Variants in KRT32 observed in about 807,000 individuals in gnomAD.
KRT32 encodes keratin, type I cuticular Ha2.
Under a neutral mutation model 41.8 loss-of-function variants are expected in KRT32, and 44 were observed. The observed-to-expected ratio is 1.05, with a 90% CI of 0.83 to 1.35. The LOEUF is 1.35. Among genes scored for constraint, KRT32 ranks in the 40% most tolerant of loss-of-function variants. KRT32 has a pLI of 0.00. For synonymous variants in KRT32, 238 were observed against 242.5 expected (o/e 0.98, Z 0.17); for missense variants, 576 against 584.6 (o/e 0.99, Z 0.15).
intron 6 of KRT32, among the ~76,000 whole-genome samples, chr17:41,460,983 C>G (rs1338610638): frequency 6.6e-6 from 1 of 152,192 alleles, no homozygotes; most frequent in Non-Finnish European, 1.5e-5. Context: ...GTACTCTGAC[C>G]TTCTTCCAGC....
At chr17:41,465,620 G>A (rs73983464) in intron 3 of KRT32, among the ~76,000 whole-genome samples, 153 bp downstream of exon 3, 1,780 of 152,252 alleles carry the variant, frequency 0.012, 44 homozygotes, top group African/African-American at 0.041. Context: ...TTTTACAGAA[G>A]AGGAGGCTCA....
In KRT32 at chr17:41,466,847, G is replaced by A. The variant is rs374026110; in HGVS notation, c.468+11C>T. 2.7e-5 allele frequency: 43 copies of A among 1,591,830 alleles called. No individual in the cohort carries two copies. Among genetic ancestry groups the A allele is most frequent in the Middle Eastern group, 1.7e-4 (1 of 6,008 alleles). On this transcript the variant is annotated intron_variant, in intron 1 of 6. Coordinates refer to ENST00000225899, the MANE Select transcript of KRT32 (RefSeq NM_002278.3). The stretch of plus-strand genomic sequence containing the variant: ...TCCCAGAGAGCCTATTCACCTCACC[G>A]CTGCCCTCACCTTCTGCTGGAGCTC...
rs777617387 is a variant in KRT32, at chr17:41,464,131, G to C, written c.943C>G (p.Leu315Val). The change falls in exon 5 of 7, where the codon CTG (leucine) becomes GTG (valine). Residue 315 changes from leucine to valine, a missense_variant. Coordinates refer to ENST00000225899, the MANE Select transcript of KRT32 (RefSeq NM_002278.3). ...TCCAGCGTGTTGACCGTGCGTCTCA[G>C]GTCAATGATGTCTGACTGGTAGTTC... ...LQNYQSDIID[L>V]RRTVNTLEIE... 1.9e-6 allele frequency: 3 copies of C among 1,613,204 alleles called. No homozygotes were observed. Among genetic ancestry groups the C allele is most frequent in the African/African-American group, 1.3e-5 (1 of 75,022 alleles).
chr17:41,464,282 C>A lies in KRT32; in HGVS notation c.870G>T (p.Gln290His). Reference protein sequence around the residue: ...RRDVEEWFNMQMEELNQQVAT... With the variant: ...RRDVEEWFNMHMEELNQQVAT... ...GCCATCCCCACCGTGAGAGGCCCAC[C>A]TGCATATTGAACCATTCCTCCACGT... is the stretch of plus-strand genomic sequence containing the variant. The change falls in exon 4 of 7, where the codon CAG becomes CAT. Residue 290 changes from glutamine (Q) to histidine (H), a missense_variant and splice_region_variant. Coordinates refer to ENST00000225899, the MANE Select transcript of KRT32 (RefSeq NM_002278.3). 1 of 1,595,524 alleles carries A rather than the reference C, an allele frequency of 6.3e-7. No homozygotes were observed. Among genetic ancestry groups the A allele is most frequent in the Non-Finnish European group, 8.5e-7 (1 of 1,170,608 alleles).
rs1339841431 is a variant in KRT32 at position 41,464,328 on chromosome 17, A to G, written c.824T>C (p.Met275Thr). ...CACGTCCCTGCGGTTGGCCTCCACC[A>G]TGGCCTCGTACTGACACCGCATCTC... is the stretch of plus-strand genomic sequence containing the variant. ...LEEMRCQYEAMVEANRRDVEE... is the reference protein window; with the variant it reads ...LEEMRCQYEATVEANRRDVEE... Residue 275 changes from methionine to threonine, a missense_variant, in exon 4 of 7, where the codon ATG becomes ACG. Transcript: ENST00000225899. 1 of 1,611,136 alleles carries G rather than the reference A, an allele frequency of 6.2e-7. No individual in the cohort carries two copies. The highest frequency in any genetic ancestry group is 8.5e-7 in the Non-Finnish European group (1 of 1,178,332).
chr17:41,463,207 T>G (rs2019024916), intron 5 of KRT32, among the ~76,000 whole-genome samples, 157 bp from the exon 6 acceptor site: 1 of 152,224 alleles, frequency 6.6e-6, no homozygotes, highest in African/African-American at 2.4e-5. Flanking sequence ...GTCAAATGAC[T>G]TGTTCAAGGG....
Position 41,466,962 on chromosome 17 carries a change from C to A in KRT32, c.364G>T (p.Ala122Ser), listed in dbSNP as rs1187198349. The change falls in exon 1 of 7, where the codon GCG becomes TCG. Residue 122 changes from alanine to serine, a missense_variant. Transcript: ENST00000225899. ...TRVRQLEQENAELESRIQEAS... is the reference protein window; with the variant it reads ...TRVRQLEQENSELESRIQEAS... Reference sequence around the variant, plus strand: ...TCTTGGATCCTGCTCTCCAGCTCCGCATTCTCCTGCTCCAGCTGCCGCACC... The same window carrying A: ...TCTTGGATCCTGCTCTCCAGCTCCGAATTCTCCTGCTCCAGCTGCCGCACC... 1 of 1,614,242 alleles carries A rather than the reference C, an allele frequency of 6.2e-7. No individual in the cohort carries two copies. Among genetic ancestry groups the A allele is most frequent in the East Asian group, 2.2e-5 (1 of 44,886 alleles).
rs916527432 is a variant in KRT32 at position 41,462,821 on chromosome 17, C to T, written c.1217+9G>A. The T allele has an allele frequency of 3.1e-6, 5 of 1,612,600 alleles. No homozygotes were observed. The highest frequency in any genetic ancestry group is 1.7e-5 in the Admixed American group (1 of 60,006). On this transcript the variant is annotated intron_variant, in intron 6 of 6. Coordinates refer to ENST00000225899, the MANE Select transcript of KRT32 (RefSeq NM_002278.3). ...CACGTCTCTCTAAGCCTCAGCTGGG[C>T]CTGCGTACTTGCAGTCCTCGTTCTC...
At position 41,465,995 on chromosome 17, in the gene KRT32, C is replaced by T; in HGVS notation, c.552-66G>A. On this transcript the variant is annotated intron_variant, in intron 2 of 6. Transcript: ENST00000225899. ...TGCAGAACTCAGGGAAGGCCTTAAA[C>T]TGCCGGCACTTTCCAACCCTCCGTG... 3 of 1,601,918 alleles carry T rather than the reference C, an allele frequency of 1.9e-6. No homozygotes were observed. In the South Asian group the frequency reaches 3.3e-5, roughly 18 times the overall value.
intron 6 of KRT32, among the ~76,000 whole-genome samples, chr17:41,460,710 G>A (rs147387014): frequency 9.4e-4 from 143 of 152,252 alleles, no homozygotes; most frequent in African/African-American, 3.3e-3. Flanking sequence ...GAGGTGAGGG[G>A]AGCAGGGAGG....
At position 41,467,235 on chromosome 17, in the gene KRT32, A is replaced by C; in HGVS notation, c.91T>G (p.Cys31Gly). Residue 31 changes from cysteine (C) to glycine (G), a missense_variant, in exon 1 of 7, where the codon TGC becomes GGC. Transcript: ENST00000225899. ...PASVCSSGVNCRPELCLGYVC... is the reference protein window; with the variant it reads ...PASVCSSGVNGRPELCLGYVC... ...TAGCCCAGGCACAGCTCAGGCCGGC[A>C]GTTCACGCCGCTGGAACAGACCGAG... is the stretch of plus-strand genomic sequence containing the variant. The C allele has an allele frequency of 6.2e-7, 1 of 1,613,824 alleles. No individual in the cohort carries two copies. Among genetic ancestry groups the C allele is most frequent in the Non-Finnish European group, 8.5e-7 (1 of 1,180,028 alleles).
At position 41,467,232 on chromosome 17, in the gene KRT32, G is replaced by A. The variant is rs149170177; in HGVS notation, c.94C>T (p.Arg32Trp). ...ASVCSSGVNC[R>W]PELCLGYVCQ... ...ACATAGCCCAGGCACAGCTCAGGCC[G>A]GCAGTTCACGCCGCTGGAACAGACC... The change falls in exon 1 of 7, where the codon CGG becomes TGG. Residue 32 changes from arginine (R) to tryptophan (W), a missense_variant. Transcript: ENST00000225899. The A allele has an allele frequency of 1.6e-4, 258 of 1,613,802 alleles. No homozygotes were observed. The Middle Eastern group carries it at 2.3e-3, about 14-fold the overall frequency.
chr17:41,464,036 C>G (rs756869918), intron 5 of KRT32, 42 bp downstream of exon 5: 60 of 1,520,916 alleles, frequency 3.9e-5, no homozygotes, highest in Admixed American at 1.5e-4. Flanking sequence ...CTCAGTACCG[C>G]CTAGGATCCG....
intron 6 of KRT32, among the ~76,000 whole-genome samples, chr17:41,462,571 T>C (rs2019012468): frequency 6.6e-6 from 1 of 152,220 alleles, no homozygotes; most frequent in South Asian, 2.1e-4. Context: ...GTGTCCTCCA[T>C]AGCACCTGCC....
At chr17:41,462,782 C>A in intron 6 of KRT32, 48 bp downstream of exon 6, 1 of 1,600,854 alleles carries the variant, frequency 6.2e-7, no homozygotes, top group Non-Finnish European at 8.5e-7. Flanking sequence ...CTATAACCTC[C>A]CAGAATCCCT....
At position 41,463,013 on chromosome 17, in the gene KRT32, G is replaced by A; in HGVS notation, c.1034C>T (p.Ala345Val). 6.2e-7 allele frequency: 1 copy of A among 1,614,050 alleles called. No individual in the cohort carries two copies. ...CTGGGCCAGCTGGGAGCTGTAGCGG[G>A]CCTCACTCTCCGTCAGCGTGTTTTC... Reference protein sequence around the residue: ...SLENTLTESEARYSSQLAQMQ... With the variant: ...SLENTLTESEVRYSSQLAQMQ... Residue 345 changes from alanine (A) to valine (V), a missense_variant, in exon 6 of 7, where the codon GCC (alanine) becomes GTC (valine). Physicochemically the swap from Ala to Val is moderately conservative, Grantham distance 64 (BLOSUM62 0). Coordinates refer to ENST00000225899, the MANE Select transcript of KRT32 (RefSeq NM_002278.3).
At chr17:41,462,023 C>T (rs1480982551) in intron 6 of KRT32, among the ~76,000 whole-genome samples, 4 of 152,234 alleles carry the variant, frequency 2.6e-5, no homozygotes, top group Non-Finnish European at 2.9e-5. Flanking sequence ...TCCCCTCCCT[C>T]TACTCAGTTC....
chr17:41,466,765 CA>C (rs1485269208), intron 1 of KRT32, 92 bp downstream of exon 1: 3 of 924,510 alleles, frequency 3.2e-6, no homozygotes, highest in Non-Finnish European at 5.0e-6. Flanking sequence ...TTGTCCTGAA[CA>C]TAGCTTAATA....
intron 3 of KRT32, 72 bp from the exon 4 acceptor site, chr17:41,464,515 G>T: frequency 7.1e-7 from 1 of 1,400,612 alleles, no homozygotes; most frequent in Non-Finnish European, 9.5e-7. Flanking sequence ...AGGGAGACAT[G>T]AAAAGATGCA....
Sources: gnomAD v4.1 joint callset for allele counts (sites outside exome capture counted in the v4.1 genomes callset) on GRCh38, gnomAD v4.1.1 for gene constraint, MANE v1.5 for transcripts, NCBI Gene and HGNC (gene_info 2026-07-23, HGNC 2026-07-21) for gene names.